Variants in CYRIB observed in about 807,000 individuals in gnomAD.
CYRIB encodes CYFIP related Rac1 interactor B.
Under a neutral mutation model 44.2 loss-of-function variants are expected in CYRIB, and 8 were observed. That is an observed-to-expected ratio of 0.18 (90% confidence interval 0.11 to 0.33). The LOEUF (loss-of-function observed/expected upper bound fraction) is 0.33. CYRIB is among the 10% of genes least tolerant of loss of function. The probability of loss-of-function intolerance (pLI) is 1.00; values close to 1 mark genes in which losing one functional copy is unlikely to be tolerated. For missense variants in CYRIB, 185 were observed against 382.8 expected, an observed-to-expected ratio of 0.48 and a Z score of 4.31; for synonymous variants, 131 against 127.2, an observed-to-expected ratio of 1.03 and a Z score of -0.20.
chr8:129,912,834 G>T (rs1449913577), intron 1 of CYRIB, among the ~76,000 whole-genome samples: 1 of 151,924 alleles, frequency 6.6e-6, no homozygotes, highest in Admixed American at 6.6e-5. Context: ...CCTAATCTGT[G>T]TGTCATGTTT....
chr8:129,992,861 C>A (rs1446956253), intron 1 of CYRIB, among the ~76,000 whole-genome samples: 2 of 152,112 alleles, frequency 1.3e-5, no homozygotes, highest in East Asian at 1.9e-4. Flanking sequence ...TGTGGGCTGG[C>A]GACAGCTGCT....
At chr8:129,911,851 G>C (rs556677430) in intron 1 of CYRIB, among the ~76,000 whole-genome samples, 1 of 152,076 alleles carries the variant, frequency 6.6e-6, no homozygotes, top group Non-Finnish European at 1.5e-5. Context: ...CCTGATTACT[G>C]ACCATCTACA....
chr8:129,997,887 C>A (rs2096811723), intron 1 of CYRIB, among the ~76,000 whole-genome samples: 1 of 152,010 alleles, frequency 6.6e-6, no homozygotes, highest in South Asian at 2.1e-4. Flanking sequence ...CTTTGGGAGG[C>A]CGAGGCGGGC....
At chr8:129,991,507 G>A (rs1401432752) in intron 1 of CYRIB, among the ~76,000 whole-genome samples, 1 of 152,098 alleles carries the variant, frequency 6.6e-6, no homozygotes, top group Admixed American at 6.5e-5. Flanking sequence ...GAGGAAGAGA[G>A]ACCTGAGCTA....
chr8:129,856,798 T>C (rs1292307735), intron 5 of CYRIB, among the ~76,000 whole-genome samples: 2 of 152,222 alleles, frequency 1.3e-5, no homozygotes, highest in Non-Finnish European at 1.5e-5. Context: ...TCAAAGAACT[T>C]AGAGCCCAAA....
At chr8:129,859,881 G>T (rs2048411964) in intron 5 of CYRIB, among the ~76,000 whole-genome samples, 1 of 152,084 alleles carries the variant, frequency 6.6e-6, no homozygotes, top group South Asian at 2.1e-4. Flanking sequence ...TCGGTCTCTT[G>T]CCTCGGCACC....
intron 3 of CYRIB, among the ~76,000 whole-genome samples, chr8:129,872,443 A>C (rs2057651773): frequency 6.6e-6 from 1 of 152,110 alleles, no homozygotes; most frequent in Non-Finnish European, 1.5e-5. Flanking sequence ...GCTTGACTCA[A>C]GTTAACAGAA....
intron 2 of CYRIB, among the ~76,000 whole-genome samples, chr8:129,965,915 A>T (rs2095462247): frequency 6.6e-6 from 1 of 152,112 alleles, no homozygotes; most frequent in Non-Finnish European, 1.5e-5. Flanking sequence ...GCAGTGGTGC[A>T]GTCTCGGCTC....
intron 11 of CYRIB, chr8:129,844,431 C>G (rs1424801684): frequency 6.6e-6 from 1 of 152,100 alleles, no homozygotes; most frequent in Non-Finnish European, 1.5e-5. Flanking sequence ...CCTTTGTGCA[C>G]AAAAACAAAT....
At chr8:129,892,580 A>G (rs188910540) in intron 2 of CYRIB, among the ~76,000 whole-genome samples, 323 of 152,136 alleles carry the variant, frequency 2.1e-3, no homozygotes, top group African/African-American at 7.4e-3. Flanking sequence ...TTACTTCTGG[A>G]AATATTTTAT....
At chr8:129,918,153 G>A (rs879461013) in intron 1 of CYRIB, among the ~76,000 whole-genome samples, 2 of 152,110 alleles carry the variant, frequency 1.3e-5, no homozygotes, top group Admixed American at 1.3e-4. Flanking sequence ...TACCACAGCA[G>A]ATTCTTATTC....
intron 2 of CYRIB, among the ~76,000 whole-genome samples, chr8:129,946,669 G>C (rs918236095): frequency 6.6e-6 from 1 of 152,118 alleles, no homozygotes; most frequent in Non-Finnish European, 1.5e-5. Context: ...AGTCTCACAG[G>C]AGCCATAAAG....
At chr8:129,908,075 C>G (rs2076330646) in intron 1 of CYRIB, among the ~76,000 whole-genome samples, 2 of 152,296 alleles carry the variant, frequency 1.3e-5, no homozygotes, top group South Asian at 4.1e-4. Context: ...TCAAACTATA[C>G]ATTACACATG....
At chr8:129,883,674 G>A (rs1162264207) in intron 2 of CYRIB, among the ~76,000 whole-genome samples, 1 of 152,172 alleles carries the variant, frequency 6.6e-6, no homozygotes, top group Non-Finnish European at 1.5e-5. Context: ...TAATATAACA[G>A]TGGTTAATCA....
chr8:129,864,058 G>C (rs138923516), intron 4 of CYRIB, among the ~76,000 whole-genome samples: 18 of 152,156 alleles, frequency 1.2e-4, no homozygotes, highest in Non-Finnish European at 2.2e-4. Context: ...CAGATCTAAC[G>C]GATGCTCTGA....
At chr8:129,962,893 C>G (rs2095327572) in intron 2 of CYRIB, among the ~76,000 whole-genome samples, 1 of 152,244 alleles carries the variant, frequency 6.6e-6, no homozygotes, top group Non-Finnish European at 1.5e-5. Flanking sequence ...AACCTGCAAT[C>G]TTTCCCTCAT....
At chr8:129,942,403 C>T (rs1397040383), upstream of CYRIB, among the ~76,000 whole-genome samples, 1 of 152,206 alleles carries the variant, frequency 6.6e-6, no homozygotes, top group Non-Finnish European at 1.5e-5. Context: ...CTCTCACATG[C>T]ACCTTTCTCC....
At chr8:129,923,740 A>G (rs917381272) in intron 1 of CYRIB, among the ~76,000 whole-genome samples, 5 of 152,028 alleles carry the variant, frequency 3.3e-5, no homozygotes, top group South Asian at 2.1e-4. Flanking sequence ...TTTATGTACT[A>G]AACTCCCTAC....
At chr8:129,896,997 T>G (rs2068412329) in intron 2 of CYRIB, 1 of 152,230 alleles carries the variant, frequency 6.6e-6, no homozygotes, top group Admixed American at 6.5e-5. Flanking sequence ...AGATAAGGTA[T>G]TCTCTGAAGT....
Sources: gnomAD v4.1 joint callset for allele counts (sites outside exome capture counted in the v4.1 genomes callset) on GRCh38, gnomAD v4.1.1 for gene constraint, MANE v1.5 for transcripts, NCBI Gene and HGNC (gene_info 2026-07-23, HGNC 2026-07-21) for gene names.